The following ITGA8 variants were observed in gnomAD, a reference collection of about 807,000 sequenced individuals.
ITGA8 encodes the protein integrin subunit alpha 8, also known as integrin alpha-8.
ITGA8 carries 91 observed loss-of-function variants against 142.3 expected under a neutral mutation model. The ratio of observed to expected loss-of-function variants is 0.64; its 90% confidence interval spans 0.54 to 0.76. The LOEUF is 0.76. Ranked by LOEUF, ITGA8 falls within the 30% of genes least tolerant of loss-of-function variation. ITGA8 has a pLI of 0.00. For missense variants in ITGA8, 1,406 were observed against 1,327.7 expected (o/e 1.06, Z -0.92); for synonymous variants, 505 against 485.2 (o/e 1.04, Z -0.54).
At chr10:15,571,081 A>G (rs10047297) in intron 25 of ITGA8, among the ~76,000 whole-genome samples, 73,967 of 152,098 alleles carry the variant, frequency 0.49, 17,999 homozygotes, top group East Asian at 0.58. Context: ...CAGGAAGGAA[A>G]TATTTTAAAG....
chr10:15,697,262 G>A (rs7091231), intron 2 of ITGA8, among the ~76,000 whole-genome samples: 24,078 of 152,050 alleles, frequency 0.16, 1,983 homozygotes, highest in Middle Eastern at 0.23. Flanking sequence ...GCTTTTCTGA[G>A]GTTTTTTAAA....
chr10:15,536,150 T>G (rs1833431536), intron 27 of ITGA8, among the ~76,000 whole-genome samples: 1 of 152,182 alleles, frequency 6.6e-6, no homozygotes, highest in Non-Finnish European at 1.5e-5. Flanking sequence ...GGCTTCGTTC[T>G]TGAAGTCGGT....
intron 16 of ITGA8, 101 bp downstream of exon 16, chr10:15,608,134 C>G: frequency 1.2e-6 from 1 of 826,658 alleles, no homozygotes; most frequent in Non-Finnish European, 2.0e-6. Flanking sequence ...TCTTGGTATT[C>G]CTCAAGGGTT....
intron 12 of ITGA8, among the ~76,000 whole-genome samples, chr10:15,646,275 A>C (rs1049948781): frequency 6.6e-6 from 1 of 152,184 alleles, no homozygotes; most frequent in Non-Finnish European, 1.5e-5. Context: ...AACAGCACTT[A>C]TAAGTAGAGA....
At chr10:15,579,581 A>T (rs537125449) in intron 23 of ITGA8, among the ~76,000 whole-genome samples, 1 of 152,226 alleles carries the variant, frequency 6.6e-6, no homozygotes, top group South Asian at 2.1e-4. Context: ...AAAAGTTCAT[A>T]TACATTAATT....
At chr10:15,553,152 G>A (rs1833822229) in intron 26 of ITGA8, among the ~76,000 whole-genome samples, 1 of 152,100 alleles carries the variant, frequency 6.6e-6, no homozygotes, top group African/African-American at 2.4e-5. Flanking sequence ...AGCTACTCAG[G>A]AGACTGAGGT....
At chr10:15,680,597 CATATGTGTTT>C (rs1392946955) in intron 4 of ITGA8, among the ~76,000 whole-genome samples, 2 of 151,938 alleles carry the variant, frequency 1.3e-5, no homozygotes, top group Non-Finnish European at 2.9e-5. Context: ...TATATGTGTT[CATATGTGTTT>C]TTATATTTAT....
At chr10:15,519,928 G>A (rs1168141872) in intron 28 of ITGA8, among the ~76,000 whole-genome samples, 1 of 152,014 alleles carries the variant, frequency 6.6e-6, no homozygotes, top group African/African-American at 2.4e-5. Flanking sequence ...ACTCCCAGAG[G>A]GACTAAGTGA....
intron 13 of ITGA8, among the ~76,000 whole-genome samples, chr10:15,627,405 G>A (rs1413293787): frequency 1.3e-5 from 2 of 152,200 alleles, no homozygotes; most frequent in African/African-American, 4.8e-5. Context: ...TGGTTGGACC[G>A]CCAGCTTTCT....
At chr10:15,709,207 G>A (rs1462192088) in intron 2 of ITGA8, among the ~76,000 whole-genome samples, 3 of 152,098 alleles carry the variant, frequency 2.0e-5, no homozygotes, top group Admixed American at 6.5e-5. Context: ...GTTCATTTTC[G>A]TACAAAAGAA....
intron 6 of ITGA8, among the ~76,000 whole-genome samples, chr10:15,673,434 C>A (rs1834567549): frequency 6.6e-6 from 1 of 152,118 alleles, no homozygotes; most frequent in African/African-American, 2.4e-5. Flanking sequence ...GCTTTGAGAT[C>A]ATTTGGTCAA....
chr10:15,599,137 C>T (rs1833058457), intron 20 of ITGA8, among the ~76,000 whole-genome samples: 1 of 151,478 alleles, frequency 6.6e-6, no homozygotes, highest in African/African-American at 2.4e-5. Flanking sequence ...TACAGTTTTT[C>T]CCCAGTTTTC....
chr10:15,656,547 A>G (rs1834189150), intron 10 of ITGA8, among the ~76,000 whole-genome samples: 1 of 151,908 alleles, frequency 6.6e-6, no homozygotes, highest in African/African-American at 2.4e-5. Flanking sequence ...TATTTTTAGT[A>G]GAGATGAGGT....
chr10:15,620,640 G>A (rs1229843703), intron 13 of ITGA8, among the ~76,000 whole-genome samples: 6 of 152,210 alleles, frequency 3.9e-5, no homozygotes, highest in African/African-American at 1.4e-4. Flanking sequence ...GCTAGAAAGA[G>A]CCAGAAGTAC....
chr10:15,568,804 T>C (rs903218502), intron 25 of ITGA8, among the ~76,000 whole-genome samples: 1 of 152,216 alleles, frequency 6.6e-6, no homozygotes, highest in Non-Finnish European at 1.5e-5. Flanking sequence ...ATATGAGTAA[T>C]TTAAAAAATA....
intron 2 of ITGA8, among the ~76,000 whole-genome samples, chr10:15,694,446 CATTTAT>C (rs1835007969): frequency 1.4e-5 from 1 of 73,928 alleles, no homozygotes; most frequent in African/African-American, 4.2e-5. Context: ...ATATATCTTA[CATTTAT>C]ATTTATAATA....
intron 26 of ITGA8, among the ~76,000 whole-genome samples, chr10:15,552,978 T>C (rs912556464): frequency 6.6e-6 from 1 of 152,314 alleles, no homozygotes; most frequent in Middle Eastern, 3.4e-3. Flanking sequence ...TACTTGAGGC[T>C]GGGTGCGGTG....
At chr10:15,654,106 G>C (rs1419115501) in intron 11 of ITGA8, among the ~76,000 whole-genome samples, 1 of 152,172 alleles carries the variant, frequency 6.6e-6, no homozygotes, top group Admixed American at 6.5e-5. Flanking sequence ...AAAGTGCTGG[G>C]ATTACAGGCG....
At chr10:15,519,607 C>T (rs1275257915) in intron 28 of ITGA8, among the ~76,000 whole-genome samples, 195 bp from the exon 29 acceptor site, 6 of 152,068 alleles carry the variant, frequency 3.9e-5, no homozygotes, top group Non-Finnish European at 7.4e-5. Context: ...CTGCTTGGTT[C>T]TGTAAAAGTC....
Sources: allele counts gnomAD v4.1 joint callset (sites outside exome capture counted in the v4.1 genomes callset), GRCh38; gene constraint gnomAD v4.1.1; transcripts MANE v1.5; gene names NCBI Gene and HGNC (gene_info 2026-07-23, HGNC 2026-07-21).